Variants in FLRT1 observed in about 807,000 individuals in gnomAD.
FLRT1 encodes the protein fibronectin leucine rich transmembrane protein 1.
Under a neutral mutation model 30.9 loss-of-function variants are expected in FLRT1, and 14 were observed. The observed-to-expected ratio is 0.45, with a 90% CI of 0.30 to 0.71. The LOEUF is 0.71. FLRT1 is among the 30% of genes least tolerant of loss of function. The probability of loss-of-function intolerance (pLI) is 0.08; values close to 1 mark genes in which losing one functional copy is unlikely to be tolerated. For synonymous variants in FLRT1, 368 were observed against 430.4 expected (o/e 0.85, Z 1.80); for missense variants, 737 against 949.2 (o/e 0.78, Z 2.94).
At chr11:64,039,279 G>C (rs1461121502) in intron 1 of FLRT1, among the ~76,000 whole-genome samples, 3 of 152,184 alleles carry the variant, frequency 2.0e-5, no homozygotes, top group African/African-American at 7.2e-5. Flanking sequence ...CCTATAGTGG[G>C]GTGGGTGGGG....
chr11:64,079,371 C>T (rs755691137), intron 1 of FLRT1, among the ~76,000 whole-genome samples: 1 of 144,338 alleles, frequency 6.9e-6, no homozygotes, highest in Non-Finnish European at 1.5e-5. Flanking sequence ...AGATTTGGAG[C>T]AAGGGATGAT....
At position 64,096,297 on chromosome 11, in the gene FLRT1, C is replaced by T. The variant is rs763943317; in HGVS notation, c.-1037-6897C>T. On this transcript the variant is annotated intron_variant, in intron 1 of 2. Transcript: ENST00000682287. This position sits in a 1 kb window ranked among gnomAD's most constrained non-coding sequence, Gnocchi z 4.6. Reference sequence around the variant, plus strand: ...AAGAGGTTCCGGCCTTGGCTGGTGGCGCCAGGTTCATCACCCCGAGCTTCC... The same window carrying T: ...AAGAGGTTCCGGCCTTGGCTGGTGGTGCCAGGTTCATCACCCCGAGCTTCC... Among the ~76,000 whole-genome samples, 49 of 152,192 alleles carry T rather than the reference C, an allele frequency of 3.2e-4. No homozygotes were observed. Among genetic ancestry groups the T allele is most frequent in the Non-Finnish European group, 5.4e-4 (37 of 68,042 alleles).
At chr11:64,045,733 C>T (rs1943572814) in intron 1 of FLRT1, among the ~76,000 whole-genome samples, 1 of 152,130 alleles carries the variant, frequency 6.6e-6, no homozygotes, top group South Asian at 2.1e-4. Flanking sequence ...CCCTGGATGC[C>T]AAAAACCAGA....
intron 1 of FLRT1, among the ~76,000 whole-genome samples, chr11:64,045,534 T>A (rs1398417612): frequency 6.6e-6 from 1 of 152,188 alleles, no homozygotes; most frequent in Admixed American, 6.5e-5. Context: ...TCCCAGCCTC[T>A]GGGTCACTTA....
intron 1 of FLRT1, among the ~76,000 whole-genome samples, chr11:64,072,650 C>G (rs971987232): frequency 6.6e-6 from 1 of 152,178 alleles, no homozygotes; most frequent in African/African-American, 2.4e-5. Flanking sequence ...CGCCCCCATG[C>G]CCTGGTTATA....
intron 1 of FLRT1, among the ~76,000 whole-genome samples, chr11:64,039,295 C>A (rs1943440714): frequency 6.6e-6 from 1 of 152,118 alleles, no homozygotes; most frequent in Non-Finnish European, 1.5e-5. Context: ...TGGGGACTGC[C>A]CCGGGGGTAG....
In FLRT1 at chr11:64,116,334, G is replaced by T. The variant is rs754271192; in HGVS notation, c.67G>T (p.Val23Leu). The T allele has an allele frequency of 1.9e-6, 3 of 1,611,346 alleles. No individual in the cohort carries two copies. Among genetic ancestry groups the T allele is most frequent in the South Asian group, 1.1e-5 (1 of 90,770 alleles). ...TPTATVTATV[V>L]MTTATMDLRD... ...CACTGCCACTGTCACGGCCACCGTT[G>T]TGATGACCACGGCCACCATGGACCT... Residue 23 changes from valine (V) to leucine (L), a missense_variant, in exon 3 of 3, where the codon GTG becomes TTG. Val to Leu is a conservative substitution (Grantham distance 32). Transcript: ENST00000682287.
chr11:64,113,607 A>G (rs1161316440), intron 2 of FLRT1, among the ~76,000 whole-genome samples: 9 of 1,726 alleles, frequency 5.2e-3, no homozygotes, highest in Admixed American at 0.014. Flanking sequence ...GGTTAGGTGG[A>G]TGGATGGATG....
intron 1 of FLRT1, among the ~76,000 whole-genome samples, chr11:64,068,506 A>G (rs1384022181): frequency 1.3e-5 from 2 of 152,248 alleles, no homozygotes; most frequent in Non-Finnish European, 2.9e-5. Context: ...ATGAGGTCCT[A>G]GGATAACGAT....
chr11:64,102,512 C>T (rs1335898962), intron 1 of FLRT1, among the ~76,000 whole-genome samples: 1 of 152,196 alleles, frequency 6.6e-6, no homozygotes, highest in Non-Finnish European at 1.5e-5. Flanking sequence ...CCAGTTGGAG[C>T]CTTTGAATGA....
intron 2 of FLRT1, among the ~76,000 whole-genome samples, chr11:64,115,720 T>C (rs955201431): frequency 6.6e-6 from 1 of 152,184 alleles, no homozygotes; most frequent in African/African-American, 2.4e-5. Context: ...TTTCGAATCC[T>C]GGGTCCGAGC....
chr11:64,116,228 C>G lies in FLRT1; in HGVS notation c.-40C>G, dbSNP rs1944976737. 10 of 1,567,858 alleles carry G rather than the reference C, an allele frequency of 6.4e-6. No individual in the cohort carries two copies. Among genetic ancestry groups the G allele is most frequent in the Non-Finnish European group, 8.6e-6 (10 of 1,162,456 alleles). On this transcript the variant is annotated 5_prime_UTR_variant, in exon 3 of 3. Coordinates refer to ENST00000682287, the MANE Select transcript of FLRT1 (RefSeq NM_013280.5). ...CCTGTGCTCCTTGCAGGTATTCAGG[C>G]TCCAGGCCAGGTGGGGCCGGACGCC...
chr11:64,087,884 T>G (rs922155199), intron 1 of FLRT1, among the ~76,000 whole-genome samples: 3 of 152,170 alleles, frequency 2.0e-5, no homozygotes, highest in Non-Finnish European at 4.4e-5. Context: ...TACACAGGGC[T>G]TAGCTCCTTC....
In FLRT1 at chr11:64,107,681, G is replaced by A. The variant is rs1041117190; in HGVS notation, c.-50+3500G>A. ...AGTTCTAAATGATACCAGTGGATGG[G>A]ATCCAGGAGCAAAGCTGTTCAGGGT... On this transcript the variant is annotated intron_variant, in intron 2 of 2. Transcript: ENST00000682287. Among the ~76,000 whole-genome samples, 7 of 152,356 alleles carry A rather than the reference G, an allele frequency of 4.6e-5. No homozygotes were observed. In the East Asian group the frequency reaches 5.8e-4, roughly 13 times the overall value.
chr11:64,088,699 CCTGT>C (rs1464450014), intron 1 of FLRT1, among the ~76,000 whole-genome samples: 1 of 152,268 alleles, frequency 6.6e-6, no homozygotes, highest in East Asian at 1.9e-4. Flanking sequence ...TCTCGGCTGC[CCTGT>C]CTATGAAATG....
chr11:64,045,568 G>A (rs985324537), intron 1 of FLRT1, among the ~76,000 whole-genome samples: 1 of 152,170 alleles, frequency 6.6e-6, no homozygotes, highest in African/African-American at 2.4e-5. Context: ...GGTAGGTAGG[G>A]GGTGAGGGTC....
chr11:64,099,499 T>C (rs1295778709), intron 1 of FLRT1, among the ~76,000 whole-genome samples: 1 of 152,048 alleles, frequency 6.6e-6, no homozygotes, highest in Admixed American at 6.6e-5. Flanking sequence ...GATGGATGAA[T>C]GGACAGACGG....
chr11:64,048,862 T>C (rs1943636349), intron 1 of FLRT1, among the ~76,000 whole-genome samples: 2 of 152,158 alleles, frequency 1.3e-5, no homozygotes, highest in Admixed American at 1.3e-4. Flanking sequence ...GGCCATCCCA[T>C]GGTGCAAACC....
At chr11:64,106,675 C>T (rs1316023028) in intron 2 of FLRT1, among the ~76,000 whole-genome samples, 1 of 152,176 alleles carries the variant, frequency 6.6e-6, no homozygotes, top group Non-Finnish European at 1.5e-5. Flanking sequence ...GGTCACACTG[C>T]TCCTCTCCAG....
Sources: allele counts gnomAD v4.1 joint callset (sites outside exome capture counted in the v4.1 genomes callset), GRCh38; gene constraint gnomAD v4.1.1; non-coding constraint Gnocchi (gnomAD v3.1); transcripts MANE v1.5; gene names NCBI Gene and HGNC (gene_info 2026-07-23, HGNC 2026-07-21).